Variants in DYNC1I1 observed in about 807,000 individuals in gnomAD.
DYNC1I1 encodes cytoplasmic dynein 1 intermediate chain 1.
A neutral mutation model predicts 86.6 loss-of-function variants in DYNC1I1; 43 were observed. The observed-to-expected ratio is 0.50, with a 90% CI of 0.39 to 0.64. The LOEUF (loss-of-function observed/expected upper bound fraction) is 0.64. DYNC1I1 is among the 30% of genes least tolerant of loss of function. DYNC1I1 has a pLI of 0.00. For synonymous variants in DYNC1I1, 262 were observed against 283.7 expected, an observed-to-expected ratio of 0.92 and a Z score of 0.77; for missense variants, 604 against 788.8, an observed-to-expected ratio of 0.77 and a Z score of 2.81.
chr7:95,847,730 C>T (rs1377302496), intron 5 of DYNC1I1, among the ~76,000 whole-genome samples: 1 of 152,142 alleles, frequency 6.6e-6, no homozygotes, highest in African/African-American at 2.4e-5. Flanking sequence ...CCTTGTCTCT[C>T]AGACATAAAA....
intron 6 of DYNC1I1, among the ~76,000 whole-genome samples, chr7:95,913,829 T>C (rs1791400621): frequency 6.6e-6 from 1 of 152,238 alleles, no homozygotes; most frequent in South Asian, 2.1e-4. Flanking sequence ...GTAGTTGTGC[T>C]TCCTAATCTT....
intron 14 of DYNC1I1, among the ~76,000 whole-genome samples, chr7:96,045,374 G>A (rs2116071959): frequency 6.6e-6 from 1 of 152,256 alleles, no homozygotes; most frequent in South Asian, 2.1e-4. Context: ...AAAAGGTCAA[G>A]GTGCTGGTGT....
chr7:96,076,330 C>G, intron 15 of DYNC1I1, 133 bp downstream of exon 15: 2 of 1,304,388 alleles, frequency 1.5e-6, no homozygotes, highest in East Asian at 2.5e-5. Flanking sequence ...CTGCCGGCCC[C>G]CATTCTTGAC....
At position 96,039,257 on chromosome 7, in the gene DYNC1I1, C is replaced by G. The variant is rs1788964666; in HGVS notation, c.1365-20C>G. ...TTTCAGAGGTCACTGGAATTCTGCTCATGTGTGCTCTTCCTACAGCAAAGC... is the reference window on the plus strand; with the variant it reads ...TTTCAGAGGTCACTGGAATTCTGCTGATGTGTGCTCTTCCTACAGCAAAGC... On this transcript the variant is annotated intron_variant, in intron 13 of 16. Coordinates refer to ENST00000447467, the MANE Select transcript of DYNC1I1 (RefSeq NM_001135556.2). 2 of 1,606,054 alleles carry G rather than the reference C, an allele frequency of 1.2e-6. No homozygotes were observed. Among genetic ancestry groups the G allele is most frequent in the East Asian group, 4.5e-5 (2 of 44,682 alleles).
At chr7:95,802,242 C>A (rs1451011123) in intron 1 of DYNC1I1, among the ~76,000 whole-genome samples, 1 of 152,160 alleles carries the variant, frequency 6.6e-6, no homozygotes, top group Non-Finnish European at 1.5e-5. Flanking sequence ...AATTTCACTG[C>A]CATCCCCTTT....
At chr7:95,977,968 A>T (rs1426657626) in intron 7 of DYNC1I1, among the ~76,000 whole-genome samples, 1 of 152,200 alleles carries the variant, frequency 6.6e-6, no homozygotes, top group Non-Finnish European at 1.5e-5. Flanking sequence ...TAAATTCTAA[A>T]GTGTTTTCAT....
At chr7:95,995,136 A>G (rs996722371) in intron 9 of DYNC1I1, among the ~76,000 whole-genome samples, 9 of 152,150 alleles carry the variant, frequency 5.9e-5, no homozygotes, top group African/African-American at 2.2e-4. Context: ...AGTCCCAGCT[A>G]CTCAGGAGGC....
chr7:95,949,152 C>T (rs940192083), intron 6 of DYNC1I1, among the ~76,000 whole-genome samples: 4 of 151,902 alleles, frequency 2.6e-5, no homozygotes, highest in Non-Finnish European at 2.9e-5. Flanking sequence ...GGAGGGTGGT[C>T]GAATGTAGAT....
chr7:95,969,917 C>T (rs964499894), intron 6 of DYNC1I1, among the ~76,000 whole-genome samples: 1 of 152,156 alleles, frequency 6.6e-6, no homozygotes, highest in South Asian at 2.1e-4. Flanking sequence ...TCAATATTAG[C>T]ATGTAGTATA....
intron 14 of DYNC1I1, among the ~76,000 whole-genome samples, chr7:96,069,443 A>G (rs910914929): frequency 2.0e-5 from 3 of 152,184 alleles, no homozygotes; most frequent in African/African-American, 4.8e-5. Context: ...CGACTCAAAT[A>G]AGCAAGAAGC....
At chr7:95,895,615 G>A (rs1447084914) in intron 6 of DYNC1I1, among the ~76,000 whole-genome samples, 2 of 152,042 alleles carry the variant, frequency 1.3e-5, no homozygotes, top group Non-Finnish European at 2.9e-5. Flanking sequence ...ACTGCTTTAC[G>A]ACCCATTTTG....
chr7:96,042,264 G>A (rs902873504), intron 14 of DYNC1I1, among the ~76,000 whole-genome samples: 1 of 152,186 alleles, frequency 6.6e-6, no homozygotes, highest in South Asian at 2.1e-4. Flanking sequence ...GATGCATGCA[G>A]TTAAGTAACA....
rs2116338595 is a variant in DYNC1I1 at position 96,098,347 on chromosome 7, C to T, written c.*754C>T. 1 of 985,726 alleles carries T rather than the reference C, an allele frequency of 1.0e-6. No homozygotes were observed. Among genetic ancestry groups the T allele is most frequent in the Non-Finnish European group, 1.2e-6 (1 of 829,940 alleles). 61.1% of individuals were successfully genotyped at this position (985,726 alleles called of 1,614,324 possible). A position where few individuals can be genotyped will look rare whatever the true frequency, so the allele number is the denominator to read the frequency against. On this transcript the variant is annotated 3_prime_UTR_variant, in exon 17 of 17. Transcript: ENST00000447467. ...TATCATTGACCACTAATACTTCTCACTGAAGCTAACACAGTCTGACAAAAG... is the reference window on the plus strand; with the variant it reads ...TATCATTGACCACTAATACTTCTCATTGAAGCTAACACAGTCTGACAAAAG...
At chr7:96,056,704 A>G (rs932143409) in intron 14 of DYNC1I1, among the ~76,000 whole-genome samples, 9 of 152,106 alleles carry the variant, frequency 5.9e-5, no homozygotes, top group South Asian at 2.1e-4. Flanking sequence ...CTATATCTAT[A>G]TATAGTATAT....
chr7:95,904,150 C>T (rs895531951), intron 6 of DYNC1I1, among the ~76,000 whole-genome samples: 2 of 152,098 alleles, frequency 1.3e-5, no homozygotes, highest in African/African-American at 4.8e-5. Flanking sequence ...GTTTAGACTG[C>T]CCTAAATCTG....
chr7:96,094,433 C>A lies in DYNC1I1; in HGVS notation c.1777-3050C>A, dbSNP rs140381088. 9.9e-5 allele frequency among the ~76,000 whole-genome samples: 15 copies of A among 152,270 alleles called. No individual in the cohort carries two copies. The East Asian group carries it at 2.7e-3, about 27-fold the overall frequency. On this transcript the variant is annotated intron_variant, in intron 16 of 16. Transcript: ENST00000447467. ...AGCCATTTCTAATCAGAGACTACCA[C>A]GTGAGAAGAGCCAGGAACTGCCAAG... is the stretch of plus-strand genomic sequence containing the variant.
At chr7:95,900,082 C>T (rs1424081401) in intron 6 of DYNC1I1, among the ~76,000 whole-genome samples, 2 of 152,168 alleles carry the variant, frequency 1.3e-5, no homozygotes, top group African/African-American at 2.4e-5. Context: ...TTTCTGCTGC[C>T]TTTTCCGGCC....
At chr7:95,855,698 A>C (rs533578138) in intron 5 of DYNC1I1, among the ~76,000 whole-genome samples, 4 of 152,212 alleles carry the variant, frequency 2.6e-5, no homozygotes, top group Non-Finnish European at 5.9e-5. Flanking sequence ...ACATGTTACT[A>C]TATTGAATAC....
intron 12 of DYNC1I1, 34 bp from the exon 13 acceptor site, chr7:96,035,585 C>A: frequency 6.5e-7 from 1 of 1,543,374 alleles, no homozygotes; most frequent in East Asian, 2.4e-5. Flanking sequence ...AAGGAGTTGA[C>A]AGATGGAAAT....
Sources: gnomAD v4.1 joint callset for allele counts (sites outside exome capture counted in the v4.1 genomes callset) on GRCh38, gnomAD v4.1.1 for gene constraint, MANE v1.5 for transcripts, NCBI Gene and HGNC (gene_info 2026-07-23, HGNC 2026-07-21) for gene names.